TCF25: variants seen among roughly 807,000 people sequenced by gnomAD.
TCF25 encodes the protein ribosome quality control complex subunit TCF25.
TCF25 carries 41 observed loss-of-function variants against 83.1 expected under a neutral mutation model. The observed-to-expected ratio is 0.49, with a 90% CI of 0.38 to 0.64. The LOEUF is 0.64. TCF25 is among the 30% of genes least tolerant of loss of function. The pLI is 0.00. For missense variants in TCF25, 979 were observed against 914.5 expected (o/e 1.07, Z -0.91); for synonymous variants, 458 against 365.0 (o/e 1.25, Z -2.90).
At chr16:89,874,193 G>A (rs905850276) in intron 1 of TCF25, among the ~76,000 whole-genome samples, 5 of 152,164 alleles carry the variant, frequency 3.3e-5, no homozygotes, top group African/African-American at 1.2e-4. Flanking sequence ...GAGGGTGCGG[G>A]GCCTTGATGC....
Position 89,904,983 on chromosome 16 carries a change from G to A in TCF25, c.1515G>A (p.Arg505=). The change falls in exon 14 of 18, where the codon AGG becomes AGA. Residue 505 remains arginine (R), a synonymous_variant. Coordinates refer to ENST00000263346, the MANE Select transcript of TCF25 (RefSeq NM_014972.3). ...LSQLVNLYLG[R]SHFLWKEPAT... ...AGCTGGTGAACCTGTACCTTGGGAG[G>A]TCACACTTTCTCTGGAAAGAGCCCG... The A allele has an allele frequency of 6.2e-7, 1 of 1,608,236 alleles. No individual in the cohort carries two copies. Among genetic ancestry groups the A allele is most frequent in the South Asian group, 1.1e-5 (1 of 90,008 alleles).
chr16:89,898,851 C>A lies in TCF25; in HGVS notation c.1200C>A (p.Ile400=), dbSNP rs755602987. ...ALRARNYEYL[I]RLFQEWEAHR... ...GGGCCCGGAACTACGAGTACCTGAT[C>A]CGCCTCTTCCAGGAGTGGGAGGTGG... The change falls in exon 11 of 18, where the codon ATC becomes ATA. Residue 400 remains isoleucine (I), a synonymous_variant. Transcript: ENST00000263346. 3 of 1,613,842 alleles carry A rather than the reference C, an allele frequency of 1.9e-6. No individual in the cohort carries two copies. The highest frequency in any genetic ancestry group is 1.1e-5 in the South Asian group (1 of 91,082).
intron 9 of TCF25, among the ~76,000 whole-genome samples, chr16:89,896,325 G>C (rs969077735): frequency 2.0e-5 from 3 of 152,162 alleles, no homozygotes; most frequent in Non-Finnish European, 2.9e-5. Flanking sequence ...TGGGAGGTCT[G>C]CTGAGCCCAG....
intron 1 of TCF25, chr16:89,878,483 C>T (rs2042360510): frequency 8.1e-7 from 1 of 1,237,818 alleles, no homozygotes; most frequent in Non-Finnish European, 1.0e-6. Context: ...TTTTCCTCTC[C>T]CCCTAAAAAA....
chr16:89,893,904 C>T (rs1291948738), intron 7 of TCF25, 46 bp downstream of exon 7: 24 of 1,563,526 alleles, frequency 1.5e-5, no homozygotes, highest in Non-Finnish European at 2.1e-5. Context: ...GCCATGTAGC[C>T]ACCACTGCCC....
At chr16:89,892,367 G>A (rs888263463) in intron 6 of TCF25, 92 bp downstream of exon 6, 32 of 1,442,802 alleles carry the variant, frequency 2.2e-5, no homozygotes, top group African/African-American at 2.8e-5. Context: ...AGGGTCTGCA[G>A]AGGCTGCTGG....
At chr16:89,905,711 A>T (rs2044718624) in intron 14 of TCF25, among the ~76,000 whole-genome samples, 1 of 152,214 alleles carries the variant, frequency 6.6e-6, no homozygotes, top group Non-Finnish European at 1.5e-5. Flanking sequence ...TGGTGCCCCC[A>T]GCCGCTGGCA....
At chr16:89,902,696 AAG>A (rs1181105855) in intron 12 of TCF25, among the ~76,000 whole-genome samples, 2 of 131,250 alleles carry the variant, frequency 1.5e-5, no homozygotes, top group Non-Finnish European at 3.5e-5. Context: ...CTCAAAAAAA[AAG>A]AAAAAAAAAA....
rs767765461 is a variant in TCF25, at chr16:89,904,181, T to G, written c.1445T>G (p.Phe482Cys). Residue 482 changes from phenylalanine to cysteine, a missense_variant, in exon 13 of 18, where the codon TTC becomes TGC. Phe to Cys is a radical substitution (Grantham distance 205, BLOSUM62 -2). Coordinates refer to ENST00000263346, the MANE Select transcript of TCF25 (RefSeq NM_014972.3). ...GACGCCAGCGTTTCCAGTCACCGCT[T>G]CTTTGGACCCAATGCTGAAATAAGG... The part of the protein sequence containing the change: ...RPDASVSSHR[F>C]FGPNAEISQP... 82 of 1,593,130 alleles carry G rather than the reference T, an allele frequency of 5.1e-5. No individual in the cohort carries two copies. The highest frequency in any genetic ancestry group is 6.2e-5 in the Non-Finnish European group (73 of 1,169,540).
At position 89,900,686 on chromosome 16, in the gene TCF25, G is replaced by A. The variant is rs2044251182; in HGVS notation, c.1273G>A (p.Ala425Thr). ...LPNFAFSVPL[A>T]YFLLSQQTDL... is the part of the protein sequence containing the mutation. ...TAATTTTGCCTTCTCTGTTCCACTG[G>A]CGTATTTCCTGCTGAGCCAGCAGAC... Residue 425 changes from alanine (A) to threonine (T), a missense_variant, in exon 12 of 18, where the codon GCG becomes ACG. Physicochemically the swap from Ala to Thr is moderately conservative, Grantham distance 58. Coordinates refer to ENST00000263346, the MANE Select transcript of TCF25 (RefSeq NM_014972.3). 6.2e-7 allele frequency: 1 copy of A among 1,605,418 alleles called. No homozygotes were observed.
At chr16:89,906,351 G>C (rs1323967633) in intron 15 of TCF25, 67 bp downstream of exon 15, 26 of 1,529,096 alleles carry the variant, frequency 1.7e-5, no homozygotes, top group Non-Finnish European at 2.2e-5. Context: ...TTCTGCTCCG[G>C]GCGGTCCACA....
intron 1 of TCF25, among the ~76,000 whole-genome samples, chr16:89,877,157 C>T (rs2042263434): frequency 6.6e-6 from 1 of 151,882 alleles, no homozygotes; most frequent in African/African-American, 2.4e-5. Context: ...ATGGATTTGT[C>T]TATTTCTACT....
In TCF25 at chr16:89,911,092, G is replaced by A; in HGVS notation, c.1885G>A (p.Glu629Lys). 1.9e-6 allele frequency: 3 copies of A among 1,611,016 alleles called. No individual in the cohort carries two copies. The highest frequency in any genetic ancestry group is 1.3e-5 in the African/African-American group (1 of 74,986). ...CCCCTTGCTGCAGGGGGAGAGGCCC[G>A]AGGAAGGAGTGGCTGGGGGTCTGAA... ...PNYTMEGERP[E>K]EGVAGGLNRN... The change falls in exon 18 of 18, where the codon GAG becomes AAG. Residue 629 changes from glutamate to lysine, a missense_variant. By Grantham distance (56) the Glu-to-Lys change is moderately conservative (BLOSUM62 1). Transcript: ENST00000263346.
At chr16:89,876,722 C>G (rs551872990) in intron 1 of TCF25, among the ~76,000 whole-genome samples, 4 of 151,840 alleles carry the variant, frequency 2.6e-5, no homozygotes, top group African/African-American at 9.7e-5. Flanking sequence ...GTCAGGAGAT[C>G]CAGACCATCC....
chr16:89,885,809 G>T (rs2042960761), intron 3 of TCF25, 39 bp from the exon 4 acceptor site: 2 of 1,453,992 alleles, frequency 1.4e-6, no homozygotes, highest in Admixed American at 1.7e-5. Flanking sequence ...TTAAAATAAT[G>T]TCAGTGTGGT....
At chr16:89,886,777 A>G (rs1327825925) in intron 4 of TCF25, among the ~76,000 whole-genome samples, 1 of 151,906 alleles carries the variant, frequency 6.6e-6, no homozygotes, top group Non-Finnish European at 1.5e-5. Flanking sequence ...AAGAAAAAAA[A>G]AATACAAAAA....
rs548756559 is a variant in TCF25 at position 89,905,181 on chromosome 16, C to G, written c.1628+85C>G. 2.0e-4 allele frequency: 285 copies of G among 1,454,822 alleles called. 1 individual carries two copies. The African/African-American group carries it at 3.3e-3, about 17-fold the overall frequency. The allele number at this position is 1,454,822 out of a possible 1,614,324, so 90.1% of individuals were successfully genotyped here. A position where few individuals can be genotyped will look rare whatever the true frequency, so the allele number is the denominator to read the frequency against. ...ACACGGGGGCCTCGCATTCGGGAGGCGAGAAGGGCTGTGAGCAGCTTGGCC... is the reference window on the plus strand; with the variant it reads ...ACACGGGGGCCTCGCATTCGGGAGGGGAGAAGGGCTGTGAGCAGCTTGGCC... On this transcript the variant is annotated intron_variant, in intron 14 of 17. Transcript: ENST00000263346.
At position 89,873,725 on chromosome 16, in the gene TCF25, G is replaced by C. The variant is rs780368173; in HGVS notation, c.58G>C (p.Gly20Arg). 3.1e-6 allele frequency: 5 copies of C among 1,610,518 alleles called. No homozygotes were observed. The highest frequency in any genetic ancestry group is 4.2e-6 in the Non-Finnish European group (5 of 1,178,964). ...RGEQRGQEPL[G>R]PGALHFDLRD... Reference sequence around the variant, plus strand: ...GGAACAGCGCGGCCAGGAGCCCCTCGGGCCCGGCGCCTTGCATTTCGATCT... The same window carrying C: ...GGAACAGCGCGGCCAGGAGCCCCTCCGGCCCGGCGCCTTGCATTTCGATCT... The change falls in exon 1 of 18, where the codon GGG becomes CGG. Residue 20 changes from glycine (G) to arginine (R), a missense_variant. Physicochemically the swap from Gly to Arg is moderately radical, Grantham distance 125. Transcript: ENST00000263346.
At chr16:89,910,557 G>A in intron 16 of TCF25, 34 bp from the exon 17 acceptor site, 1 of 1,610,476 alleles carries the variant, frequency 6.2e-7, no homozygotes, top group South Asian at 1.1e-5. Context: ...TCTCAGTTCA[G>A]TGTCGTTTCT....
Sources: allele counts gnomAD v4.1 joint callset (sites outside exome capture counted in the v4.1 genomes callset), GRCh38; gene constraint gnomAD v4.1.1; transcripts MANE v1.5; gene names NCBI Gene and HGNC (gene_info 2026-07-23, HGNC 2026-07-21).